CTRB1: variants seen among roughly 807,000 people sequenced by gnomAD.
CTRB1 encodes the protein chymotrypsinogen B.
A neutral mutation model predicts 20.4 loss-of-function variants in CTRB1; 15 were observed. That is an observed-to-expected ratio of 0.74 (90% CI 0.49 to 1.13). The LOEUF is 1.13. Ranked by LOEUF, CTRB1 falls within the 50% of genes most tolerant of loss-of-function variation. The pLI is 0.00. For missense variants in CTRB1, 227 were observed against 290.1 expected (o/e 0.78, Z 1.58); for synonymous variants, 92 against 128.4 (o/e 0.72, Z 1.92).
In CTRB1 at chr16:75,222,563, G is replaced by C. The variant is rs961667248; in HGVS notation, c.53-205G>C. On this transcript the variant is annotated intron_variant, in intron 1 of 6. Coordinates refer to ENST00000361017, the MANE Select transcript of CTRB1 (RefSeq NM_001906.6). ...GAGGAGACATGACGCTCTGCATCCT[G>C]GAAGGATGACTGGAGCCAGCAGGCC... 58 of 607,296 alleles carry C rather than the reference G, an allele frequency of 9.6e-5. No homozygotes were observed. The East Asian group carries it at 1.6e-3, about 17-fold the overall frequency. The allele number at this position is 607,296 out of a possible 1,614,324, so 37.6% of individuals were successfully genotyped here. A position where few individuals can be genotyped will look rare whatever the true frequency, so the allele number is the denominator to read the frequency against.
Position 75,224,196 on chromosome 16 carries a change from TGGCCCTGCCCA to T in CTRB1, c.630+16_630+26del. 7.6e-6 allele frequency: 11 copies of T among 1,440,912 alleles called. No homozygotes were observed. Among genetic ancestry groups the T allele is most frequent in the Non-Finnish European group, 1.0e-5 (11 of 1,083,778 alleles). 89.3% of individuals were successfully genotyped at this position (1,440,912 alleles called of 1,614,324 possible). On this transcript the variant is annotated intron_variant, in intron 6 of 6. Coordinates refer to ENST00000361017, the MANE Select transcript of CTRB1 (RefSeq NM_001906.6). ...GGCGTCTCCTCCTGCATGGTGAGGC[TGGCCCTGCCCA>T]GGCCCTGGCCAGGCGAGCGGGGTGC... is the stretch of plus-strand genomic sequence containing the variant.
chr16:75,222,620 G>T, intron 1 of CTRB1, 148 bp from the exon 2 acceptor site: 1 of 804,850 alleles, frequency 1.2e-6, no homozygotes, highest in Non-Finnish European at 1.9e-6. Context: ...CTAGAGACTT[G>T]GGGACCAGGG....
chr16:75,222,766 A>T lies in CTRB1; in HGVS notation c.53-2A>T, dbSNP rs1363788714. 3 of 1,557,014 alleles carry T rather than the reference A, an allele frequency of 1.9e-6. No individual in the cohort carries two copies. The South Asian group carries it at 3.5e-5, about 18-fold the overall frequency. On this transcript the variant is annotated splice_acceptor_variant, in intron 1 of 6. Transcript: ENST00000361017. LOFTEE classifies it high-confidence loss of function. ...GCCCTTATTCACCCCACTCCCCCCCAGGCTGCGGGGTCCCCGCCATCCACC... is the reference window on the plus strand; with the variant it reads ...GCCCTTATTCACCCCACTCCCCCCCTGGCTGCGGGGTCCCCGCCATCCACC...
intron 1 of CTRB1, among the ~76,000 whole-genome samples, chr16:75,220,007 T>C (rs2039059039): frequency 6.6e-6 from 1 of 152,092 alleles, no homozygotes. Flanking sequence ...TGGTTTTGGT[T>C]TTGAGACAGG....
intron 1 of CTRB1, among the ~76,000 whole-genome samples, chr16:75,220,965 C>G (rs559579342): frequency 2.0e-5 from 3 of 152,062 alleles, no homozygotes; most frequent in African/African-American, 7.2e-5. Context: ...ATCATATTGG[C>G]CAGGCTGGTC....
chr16:75,222,086 A>T (rs79799303), intron 1 of CTRB1, among the ~76,000 whole-genome samples: 1 of 139,774 alleles, frequency 7.2e-6, no homozygotes, highest in Non-Finnish European at 1.5e-5. Context: ...AAAAAAAAAA[A>T]GGAATTTGAG....
At position 75,224,908 on chromosome 16, in the gene CTRB1, T is replaced by C; in HGVS notation, c.*42T>C. The stretch of plus-strand genomic sequence containing the variant: ...GACCCTGCTCCCCACAGAGCCTCAG[T>C]AAACCCATGGAACACACGTCGGCGC... On this transcript the variant is annotated 3_prime_UTR_variant, in exon 7 of 7. Coordinates refer to ENST00000361017, the MANE Select transcript of CTRB1 (RefSeq NM_001906.6). 4 of 1,608,960 alleles carry C rather than the reference T, an allele frequency of 2.5e-6. No homozygotes were observed. Among genetic ancestry groups the C allele is most frequent in the Admixed American group, 1.7e-5 (1 of 59,194 alleles).
chr16:75,219,125 A>C, intron 1 of CTRB1, 66 bp downstream of exon 1: 1 of 1,507,072 alleles, frequency 6.6e-7, no homozygotes, highest in Non-Finnish European at 9.0e-7. Context: ...GGGGGATCTG[A>C]GTCCCCTGCT....
At chr16:75,221,780 A>T (rs2039088820) in intron 1 of CTRB1, among the ~76,000 whole-genome samples, 1 of 151,170 alleles carries the variant, frequency 6.6e-6, no homozygotes, top group South Asian at 2.1e-4. Context: ...TGAGGTTGCA[A>T]GGCTGGGCAC....
chr16:75,221,375 C>A (rs1054967817), intron 1 of CTRB1, among the ~76,000 whole-genome samples: 1 of 151,790 alleles, frequency 6.6e-6, no homozygotes, highest in African/African-American at 2.4e-5. Flanking sequence ...TTGATTTTTT[C>A]TTGAGATGGA....
intron 1 of CTRB1, among the ~76,000 whole-genome samples, chr16:75,219,979 TGTTTTTG>T (rs1402890484): frequency 6.6e-6 from 1 of 151,774 alleles, no homozygotes; most frequent in African/African-American, 2.4e-5. Context: ...TATTCTATCC[TGTTTTTG>T]GTTTTGGTTT....
chr16:75,224,213 T>C (rs1597133163), intron 6 of CTRB1, 25 bp downstream of exon 6: 1 of 1,377,412 alleles, frequency 7.3e-7, no homozygotes, highest in East Asian at 2.5e-5. Flanking sequence ...GCCCAGGCCC[T>C]GGCCAGGCGA....
chr16:75,224,704 G>T lies in CTRB1; in HGVS notation c.631-1G>T. On this transcript the variant is annotated splice_acceptor_variant, in intron 6 of 6. Transcript: ENST00000361017. LOFTEE classifies it high-confidence loss of function. ...CAAGCCCCCTTCTCCCTCTCCCACA[G>T]GGCGACTCTGGCGGCCCCCTGGTCT... 1 of 1,608,464 alleles carries T rather than the reference G, an allele frequency of 6.2e-7. No individual in the cohort carries two copies.
In CTRB1 at chr16:75,222,823, T is replaced by C. The variant is rs2076704474; in HGVS notation, c.108T>C (p.Asn36=). ...TCAGCGGCCTGTCCAGGATCGTGAATGGGGAGGACGCCGTCCCCGGCTCCT... is the reference window on the plus strand; with the variant it reads ...TCAGCGGCCTGTCCAGGATCGTGAACGGGGAGGACGCCGTCCCCGGCTCCT... ...PVLSGLSRIV[N]GEDAVPGSWP... The change falls in exon 2 of 7, where the codon AAT becomes AAC. Residue 36 remains asparagine (N), a synonymous_variant. Transcript: ENST00000361017. 6.5e-7 allele frequency: 1 copy of C among 1,543,410 alleles called. No individual in the cohort carries two copies. Among genetic ancestry groups the C allele is most frequent in the Non-Finnish European group, 8.8e-7 (1 of 1,141,590 alleles).
Position 75,224,036 on chromosome 16 carries a change from CCCT to C in CTRB1, c.497-12_497-10del, listed in dbSNP as rs2076714004. ...GGCTGAGTGAGCCCAGGGGCCCTGACCCTCCTCCTGTCCTGCAGCCAACAAGAC... is the reference window on the plus strand; with the variant it reads ...GGCTGAGTGAGCCCAGGGGCCCTGACCCTCCTGTCCTGCAGCCAACAAGAC... On this transcript the variant is annotated splice_polypyrimidine_tract_variant and intron_variant, in intron 5 of 6. Transcript: ENST00000361017. The C allele has an allele frequency of 3.2e-6, 3 of 934,182 alleles. No individual in the cohort carries two copies. Among genetic ancestry groups the C allele is most frequent in the Non-Finnish European group, 4.7e-6 (3 of 642,710 alleles). The allele number at this position is 934,182 out of a possible 1,614,324, so 57.9% of individuals were successfully genotyped here.
chr16:75,219,557 A>G (rs1341564454), intron 1 of CTRB1, among the ~76,000 whole-genome samples: 2 of 151,904 alleles, frequency 1.3e-5, no homozygotes. Flanking sequence ...AACCCTGGCT[A>G]ATTTTTAGTA....
chr16:75,222,122 C>G (rs1454655415), intron 1 of CTRB1, among the ~76,000 whole-genome samples: 1 of 148,364 alleles, frequency 6.7e-6, no homozygotes, highest in Non-Finnish European at 1.5e-5. Context: ...GATGACACCA[C>G]GGCACTCCAG....
intron 1 of CTRB1, among the ~76,000 whole-genome samples, chr16:75,222,381 T>A (rs1223506545): frequency 1.3e-5 from 2 of 152,190 alleles, no homozygotes; most frequent in African/African-American, 4.8e-5. Flanking sequence ...CACGTGGTTC[T>A]GCTGCCCTTT....
Position 75,222,880 on chromosome 16 carries a change from G to A in CTRB1, c.156+9G>A. ...GGCAGGTGTCCCTGCAGGTGAGGGG[G>A]TTCTGCAAGGTGGGGGGCACCCTGG... is the stretch of plus-strand genomic sequence containing the variant. On this transcript the variant is annotated intron_variant, in intron 2 of 6. Transcript: ENST00000361017. The A allele has an allele frequency of 6.7e-7, 1 of 1,489,322 alleles. No individual in the cohort carries two copies. Among genetic ancestry groups the A allele is most frequent in the Non-Finnish European group, 9.0e-7 (1 of 1,107,024 alleles). 92.3% of individuals were successfully genotyped at this position (1,489,322 alleles called of 1,614,324 possible). A position where few individuals can be genotyped will look rare whatever the true frequency, so the allele number is the denominator to read the frequency against.
Sources: allele counts gnomAD v4.1 joint callset (sites outside exome capture counted in the v4.1 genomes callset), GRCh38; gene constraint gnomAD v4.1.1; transcripts MANE v1.5; gene names NCBI Gene and HGNC (gene_info 2026-07-23, HGNC 2026-07-21).